Variants in HEATR4 observed in about 807,000 individuals in gnomAD.
HEATR4 encodes HEAT repeat-containing protein 4.
In HEATR4, 95 loss-of-function variants were observed where a neutral mutation model predicts 108.8. That is an observed-to-expected ratio of 0.87 (90% CI 0.74 to 1.04). HEATR4 has a LOEUF of 1.04. Among genes scored for constraint, HEATR4 ranks in the 50% least tolerant of loss-of-function variants. The pLI is 0.00. For missense variants in HEATR4, 1,152 were observed against 1,253.8 expected, an observed-to-expected ratio of 0.92 and a Z score of 1.23; for synonymous variants, 443 against 459.4, an observed-to-expected ratio of 0.96 and a Z score of 0.46.
chr14:73,574,069 C>T, the HEATR4 span, among the ~76,000 whole-genome samples: 3 of 151,406 alleles, frequency 2.0e-5, no homozygotes, highest in African/African-American at 7.3e-5. Context: ...TGGGGTTTCG[C>T]CATGTTGGCC....
chr14:73,567,053 C>G, the HEATR4 span, among the ~76,000 whole-genome samples: 3 of 151,794 alleles, frequency 2.0e-5, no homozygotes, highest in African/African-American at 7.3e-5. Flanking sequence ...ATGATCCACC[C>G]GCCTCAGCCT....
chr14:73,566,620 G>A, the HEATR4 span, among the ~76,000 whole-genome samples: 3 of 151,758 alleles, frequency 2.0e-5, no homozygotes, highest in Non-Finnish European at 2.9e-5. Flanking sequence ...GCCAGCTGGC[G>A]GCTCCGAGTG....
At chr14:73,512,676 G>A (rs933110518) in intron 6 of HEATR4, among the ~76,000 whole-genome samples, 1 of 152,160 alleles carries the variant, frequency 6.6e-6, no homozygotes, top group Non-Finnish European at 1.5e-5. Flanking sequence ...GTTAACTATT[G>A]TGGTTTTCAT....
chr14:73,520,238 G>C (rs958454604), intron 4 of HEATR4: 3 of 152,250 alleles, frequency 2.0e-5, no homozygotes, highest in African/African-American at 7.2e-5. Context: ...AGGCATCTAA[G>C]GGACAGCAGT....
Position 73,552,380 on chromosome 14 carries a change from TGTAATTGGTCTGTAAC to T in HEATR4, c.-152+6355_-152+6370del, listed in dbSNP as rs1253853008. On this transcript the variant is annotated intron_variant, in intron 1 of 17. Transcript: ENST00000553558. The stretch of plus-strand genomic sequence containing the variant: ...TGTGCTGCAAACCCTGCTGTCTCAG[TGTAATTGGTCTGTAAC>T]AGCAGAGTGGGCATTCTGCAGCCTC... 1.4e-4 allele frequency among the ~76,000 whole-genome samples: 13 copies of T among 92,950 alleles called. 2 individuals are homozygous for T. The highest frequency in any genetic ancestry group is 5.0e-4 in the African/African-American group (13 of 25,972). The allele number at this position is 92,950 out of a possible 152,430, so 61.0% of individuals were successfully genotyped here. A position where few individuals can be genotyped will look rare whatever the true frequency, so the allele number is the denominator to read the frequency against.
chr14:73,518,394 ACT>A (rs1887757570), intron 5 of HEATR4, among the ~76,000 whole-genome samples: 3 of 150,294 alleles, frequency 2.0e-5, no homozygotes, highest in Admixed American at 1.3e-4. Context: ...ACAGAGCAAG[ACT>A]CTGTCTCCAA....
chr14:73,578,456 TG>T, the HEATR4 span, among the ~76,000 whole-genome samples: 3 of 152,006 alleles, frequency 2.0e-5, no homozygotes, highest in Non-Finnish European at 4.4e-5. Context: ...CTCAAACTCC[TG>T]GGCTCAAGCA....
intron 17 of HEATR4, chr14:73,491,419 G>A (rs763588954): frequency 7.4e-7 from 1 of 1,348,730 alleles, no homozygotes; most frequent in Non-Finnish European, 9.4e-7. Flanking sequence ...GCCTGGTGGA[G>A]GTGCCCGCCG....
chr14:73,563,869 G>C (rs528182145), upstream of HEATR4, among the ~76,000 whole-genome samples: 170 of 152,066 alleles, frequency 1.1e-3, no homozygotes, highest in African/African-American at 4.0e-3. Context: ...GCTTTGGGAA[G>C]ATGAGGCGGT....
the HEATR4 span, chr14:73,595,042 C>T: frequency 7.4e-6 from 12 of 1,612,192 alleles, no homozygotes; most frequent in Admixed American, 1.2e-4. Flanking sequence ...CTCTTCTTTT[C>T]TTCCAGGTAA....
Position 73,500,618 on chromosome 14 carries a change from C to T in HEATR4, c.2218G>A (p.Asp740Asn). The change falls in exon 12 of 18, where the codon GAT becomes AAT. Residue 740 changes from aspartate (D) to asparagine (N), a missense_variant. Transcript: ENST00000553558. ...GCCCGCCGAACTGCTGTGAAGTCAT[C>T]AGAGAAGCAGTGCAGGAAGCTTGGG... ...LLPSFLHCFS[D>N]DFTAVRRAAC... is the part of the protein sequence containing the mutation. 2 of 1,614,156 alleles carry T rather than the reference C, an allele frequency of 1.2e-6. No homozygotes were observed. Among genetic ancestry groups the T allele is most frequent in the East Asian group, 2.2e-5 (1 of 44,884 alleles).
chr14:73,506,802 C>CTCTTTTT (rs1470976246), intron 9 of HEATR4, among the ~76,000 whole-genome samples: 3 of 58,056 alleles, frequency 5.2e-5, no homozygotes, highest in Admixed American at 2.1e-4. Context: ...CTGACTTTAA[C>CTCTTTTT]TGTTTTTTTT....
At chr14:73,595,359 A>G in the HEATR4 span, 1 of 1,614,150 alleles carries the variant, frequency 6.2e-7, no homozygotes, top group Non-Finnish European at 8.5e-7. Flanking sequence ...ATTGTTGGTC[A>G]GGATGACCAT....
At chr14:73,479,033 G>A (rs1357129844) in intron 17 of HEATR4, among the ~76,000 whole-genome samples, 191 bp from the exon 18 acceptor site, 1 of 152,038 alleles carries the variant, frequency 6.6e-6, no homozygotes, top group Admixed American at 6.6e-5. Flanking sequence ...CCGACTCCCG[G>A]GTTCAAGTGA....
the HEATR4 span, among the ~76,000 whole-genome samples, chr14:73,579,288 A>G: frequency 1.1e-5 from 1 of 92,252 alleles, no homozygotes; most frequent in Non-Finnish European, 2.1e-5. Context: ...AAAAAAAAAA[A>G]AAAAAACGCT....
At chr14:73,586,001 T>A in the HEATR4 span, among the ~76,000 whole-genome samples, 1 of 129,330 alleles carries the variant, frequency 7.7e-6, no homozygotes, top group African/African-American at 3.0e-5. Flanking sequence ...AGAGTGAGAC[T>A]CTGTCGCAAA....
At chr14:73,616,699 ATT>A in the HEATR4 span, 11 of 203,430 alleles carry the variant, frequency 5.4e-5, no homozygotes, top group African/African-American at 1.6e-4. Flanking sequence ...TCAAAAAAAA[ATT>A]TTTTTTTTAA....
At position 73,478,498 on chromosome 14, in the gene HEATR4, TTC is replaced by T; in HGVS notation, c.*106_*107del. On this transcript the variant is annotated 3_prime_UTR_variant, in exon 18 of 18. Transcript: ENST00000553558. ...GACATGAGGTCTACTGTTAAATAAT[TTC>T]TCTTTATAAACATAGTGACAACAAG... 1.3e-6 allele frequency: 1 copy of T among 758,926 alleles called. No homozygotes were observed. The highest frequency in any genetic ancestry group is 1.7e-5 in the South Asian group (1 of 57,746). The allele number at this position is 758,926 out of a possible 1,614,324, so 47.0% of individuals were successfully genotyped here. A position where few individuals can be genotyped will look rare whatever the true frequency, so the allele number is the denominator to read the frequency against.
the HEATR4 span, chr14:73,582,867 A>G: frequency 1.3e-5 from 2 of 152,122 alleles, no homozygotes; most frequent in Non-Finnish European, 2.9e-5. Context: ...TCCATTCTGC[A>G]TGTAACTTCC....
Sources: allele counts gnomAD v4.1 joint callset (sites outside exome capture counted in the v4.1 genomes callset), GRCh38; gene constraint gnomAD v4.1.1; transcripts MANE v1.5; gene names NCBI Gene and HGNC (gene_info 2026-07-23, HGNC 2026-07-21).